The following CAMK1D variants were observed in gnomAD, a reference collection of about 807,000 sequenced individuals.
CAMK1D encodes the protein calcium/calmodulin-dependent protein kinase type 1D.
A neutral mutation model predicts 47.7 loss-of-function variants in CAMK1D; 9 were observed. The observed-to-expected ratio is 0.19, with a 90% CI of 0.11 to 0.33. The LOEUF (loss-of-function observed/expected upper bound fraction) is 0.33, where lower values mean the gene tolerates loss of function less well. CAMK1D is among the 10% of genes least tolerant of loss of function. The pLI is 1.00. For missense variants in CAMK1D, 291 were observed against 488.7 expected (o/e 0.60, Z 3.81); for synonymous variants, 184 against 184.9 (o/e 0.99, Z 0.04).
chr10:12,565,473 C>T (rs779606577), intron 2 of CAMK1D, among the ~76,000 whole-genome samples: 4 of 152,080 alleles, frequency 2.6e-5, no homozygotes, highest in Non-Finnish European at 4.4e-5. Flanking sequence ...AGGCTGGTTT[C>T]GAACTCCTGA....
chr10:12,387,399 T>TTTATATA (rs1838546212), intron 1 of CAMK1D, among the ~76,000 whole-genome samples: 1 of 65,400 alleles, frequency 1.5e-5, no homozygotes, highest in Non-Finnish European at 3.3e-5. Flanking sequence ...ATTATATATT[T>TTTATATA]TTATATATTA....
At position 12,543,398 on chromosome 10, in the gene CAMK1D, C is replaced by T. The variant is rs140035046; in HGVS notation, c.93-9827C>T. On this transcript the variant is annotated intron_variant, in intron 1 of 10. Coordinates refer to ENST00000619168, the MANE Select transcript of CAMK1D (RefSeq NM_153498.4). Reference sequence around the variant, plus strand: ...GGTTAAATAGTAAAGGTATTAGAAACTGGAAAAGATTATGAGAAACTGGGA... The same window carrying T: ...GGTTAAATAGTAAAGGTATTAGAAATTGGAAAAGATTATGAGAAACTGGGA... 2.4e-3 allele frequency among the ~76,000 whole-genome samples: 363 copies of T among 152,248 alleles called. 1 individual carries two copies. The highest frequency in any genetic ancestry group is 6.0e-3 in the Admixed American group (92 of 15,280).
At chr10:12,469,896 GT>G (rs1209700121) in intron 1 of CAMK1D, among the ~76,000 whole-genome samples, 6 of 151,952 alleles carry the variant, frequency 3.9e-5, no homozygotes, top group African/African-American at 1.2e-4. Context: ...CTTTTTTGGT[GT>G]GTTAGGGTAC....
chr10:12,424,522 G>C (rs112206515), intron 1 of CAMK1D, among the ~76,000 whole-genome samples: 3 of 152,066 alleles, frequency 2.0e-5, no homozygotes, highest in Non-Finnish European at 2.9e-5. Context: ...TGCCTCCTCC[G>C]TGAATTTCTC....
chr10:12,458,094 G>C (rs1273286999), intron 1 of CAMK1D, among the ~76,000 whole-genome samples: 2 of 152,060 alleles, frequency 1.3e-5, no homozygotes, highest in Non-Finnish European at 2.9e-5. Context: ...GTGGTTGACT[G>C]CATTTCTTAG....
rs183667139 is a variant in CAMK1D at position 12,576,943 on chromosome 10, T to A, written c.224+23587T>A. Among the ~76,000 whole-genome samples, 76 of 152,154 alleles carry A rather than the reference T, an allele frequency of 5.0e-4. 2 individuals carry two copies. The highest frequency in any genetic ancestry group is 5.0e-3 in the Admixed American group (76 of 15,272). ...AGTGTCTGGCAGAAAAGGAACCACA[T>A]CTCTGCGAGTGACACAGAGCCCCAA... On this transcript the variant is annotated intron_variant, in intron 2 of 10. Coordinates refer to ENST00000619168, the MANE Select transcript of CAMK1D (RefSeq NM_153498.4).
intron 5 of CAMK1D, 47 bp downstream of exon 5, chr10:12,769,846 C>T: frequency 6.2e-7 from 1 of 1,605,226 alleles, no homozygotes. Flanking sequence ...TGTGTGATGT[C>T]CTCATGTGTG....
chr10:12,419,042 C>T (rs1239145139), intron 1 of CAMK1D, among the ~76,000 whole-genome samples: 2 of 152,202 alleles, frequency 1.3e-5, no homozygotes, highest in Non-Finnish European at 2.9e-5. Flanking sequence ...AATGAACTTC[C>T]CTGTCTCTTT....
intron 6 of CAMK1D, among the ~76,000 whole-genome samples, chr10:12,793,401 G>C (rs994073344): frequency 1.3e-5 from 2 of 152,192 alleles, no homozygotes; most frequent in African/African-American, 4.8e-5. Flanking sequence ...TACAGCTCTG[G>C]TTAGGTACTT....
intron 1 of CAMK1D, among the ~76,000 whole-genome samples, chr10:12,427,234 C>T (rs183854280): frequency 4.6e-5 from 7 of 152,280 alleles, no homozygotes; most frequent in African/African-American, 1.7e-4. Flanking sequence ...GATGGAGGGA[C>T]TGATTCCAGA....
At chr10:12,601,102 A>G (rs1838287627) in intron 2 of CAMK1D, among the ~76,000 whole-genome samples, 1 of 151,672 alleles carries the variant, frequency 6.6e-6, no homozygotes. Flanking sequence ...GAGTGCAGGT[A>G]TCTTTTTGAT....
At chr10:12,480,881 A>G (rs1301934935) in intron 1 of CAMK1D, among the ~76,000 whole-genome samples, 1 of 152,354 alleles carries the variant, frequency 6.6e-6, no homozygotes, top group Admixed American at 6.5e-5. Flanking sequence ...CAAAAATTGT[A>G]ACAGTGAGAA....
chr10:12,662,940 T>G (rs1840318462), intron 2 of CAMK1D, among the ~76,000 whole-genome samples: 1 of 152,162 alleles, frequency 6.6e-6, no homozygotes, highest in Non-Finnish European at 1.5e-5. Flanking sequence ...CTTTCCTTGT[T>G]TTTTTTGTTT....
chr10:12,807,396 C>T (rs1218588629), intron 6 of CAMK1D, among the ~76,000 whole-genome samples: 2 of 151,436 alleles, frequency 1.3e-5, no homozygotes, highest in Non-Finnish European at 3.0e-5. Context: ...GATCTCTCCT[C>T]CCGGCCCATG....
At chr10:12,750,679 A>G (rs903711760) in intron 3 of CAMK1D, among the ~76,000 whole-genome samples, 33 of 152,086 alleles carry the variant, frequency 2.2e-4, no homozygotes, top group African/African-American at 7.3e-4. Flanking sequence ...GAATGAATGA[A>G]TGAATGAATG....
At chr10:12,611,175 G>C (rs1838607978) in intron 2 of CAMK1D, among the ~76,000 whole-genome samples, 1 of 152,098 alleles carries the variant, frequency 6.6e-6, no homozygotes, top group South Asian at 2.1e-4. Context: ...ACCACCTTCT[G>C]CTGGTTCCTG....
chr10:12,712,034 C>T (rs1213593563), intron 3 of CAMK1D, among the ~76,000 whole-genome samples: 1 of 152,194 alleles, frequency 6.6e-6, no homozygotes, highest in Non-Finnish European at 1.5e-5. Context: ...AATGTATCAG[C>T]TGTTCCTCTG....
At chr10:12,580,138 G>A (rs1439215596) in intron 2 of CAMK1D, among the ~76,000 whole-genome samples, 1 of 152,098 alleles carries the variant, frequency 6.6e-6, no homozygotes, top group Admixed American at 6.5e-5. Flanking sequence ...AGAATTCCCT[G>A]GTGAGAGGTT....
chr10:12,624,253 A>G (rs543314485), intron 2 of CAMK1D, among the ~76,000 whole-genome samples: 2 of 152,060 alleles, frequency 1.3e-5, no homozygotes, highest in Non-Finnish European at 2.9e-5. Context: ...AGTCTATTTC[A>G]GTAAGAACCT....
Sources: allele counts gnomAD v4.1 joint callset (sites outside exome capture counted in the v4.1 genomes callset), GRCh38; gene constraint gnomAD v4.1.1; transcripts MANE v1.5; gene names NCBI Gene and HGNC (gene_info 2026-07-23, HGNC 2026-07-21).